The following FAM13A variants were observed in gnomAD, a reference collection of about 807,000 sequenced individuals.
FAM13A encodes protein FAM13A.
A neutral mutation model predicts 129.6 loss-of-function variants in FAM13A; 76 were observed. That is an observed-to-expected ratio of 0.59 (90% CI 0.49 to 0.71). FAM13A has a LOEUF of 0.71. Ranked by LOEUF, FAM13A falls within the 30% of genes least tolerant of loss-of-function variation. The pLI is 0.00. For synonymous variants in FAM13A, 443 were observed against 449.9 expected (o/e 0.98, Z 0.20); for missense variants, 1,108 against 1,249.3 (o/e 0.89, Z 1.70).
intron 8 of FAM13A, among the ~76,000 whole-genome samples, chr4:88,799,426 T>A (rs1024122389): frequency 6.6e-6 from 1 of 152,160 alleles, no homozygotes; most frequent in East Asian, 1.9e-4. Context: ...GTAAATAGTA[T>A]GGAAGTTCCT....
rs1288307476 is a variant in FAM13A at position 88,791,997 on chromosome 4, A to C, written c.1050-1370T>G. On this transcript the variant is annotated intron_variant, in intron 8 of 23. Transcript: ENST00000264344. ...AAAGCTGTAGCTCTTTGTTATGGCC[A>C]CAGACAAACCCAGAAAAACCACGTA... Among the ~76,000 whole-genome samples, 3 of 152,228 alleles carry C rather than the reference A, an allele frequency of 2.0e-5. No homozygotes were observed. The East Asian group carries it at 5.8e-4, about 29-fold the overall frequency.
chr4:89,016,107 A>G (rs894367168), intron 3 of FAM13A, among the ~76,000 whole-genome samples: 24 of 152,098 alleles, frequency 1.6e-4, no homozygotes, highest in Admixed American at 1.4e-3. Flanking sequence ...CCATTGGAAC[A>G]AGATATGGAG....
intron 5 of FAM13A, among the ~76,000 whole-genome samples, chr4:88,920,441 G>T (rs1750865741): frequency 6.6e-6 from 1 of 152,154 alleles, no homozygotes; most frequent in Admixed American, 6.5e-5. Context: ...AGGCAAACAG[G>T]GTCTGGAGTG....
At chr4:88,981,085 TTA>T (rs1761606411) in intron 4 of FAM13A, among the ~76,000 whole-genome samples, 2 of 152,176 alleles carry the variant, frequency 1.3e-5, no homozygotes, top group Non-Finnish European at 2.9e-5. Context: ...AAAATTATTT[TTA>T]TCTTATTGGT....
chr4:88,801,597 A>G (rs889878843), intron 8 of FAM13A, among the ~76,000 whole-genome samples: 3 of 152,210 alleles, frequency 2.0e-5, no homozygotes, highest in African/African-American at 7.2e-5. Flanking sequence ...AGCAAGGACC[A>G]AGTTTCAGAT....
intron 7 of FAM13A, among the ~76,000 whole-genome samples, chr4:88,838,122 A>C (rs1007783688): frequency 1.3e-5 from 2 of 152,210 alleles, no homozygotes; most frequent in Non-Finnish European, 2.9e-5. Flanking sequence ...TTATATGCAA[A>C]TATGTCATTT....
chr4:88,859,747 T>C lies in FAM13A; in HGVS notation c.844-8564A>G, dbSNP rs369441874. 7.2e-5 allele frequency among the ~76,000 whole-genome samples: 11 copies of C among 152,248 alleles called. 1 individual carries two copies. The highest frequency in any genetic ancestry group is 4.2e-4 in the South Asian group (2 of 4,816). The stretch of plus-strand genomic sequence containing the variant: ...CACCAGCTGCATTCAGGTACTAAGA[T>C]AGGCAAGGAGTGGGTATAGTGTTGT... On this transcript the variant is annotated intron_variant, in intron 6 of 23. Coordinates refer to ENST00000264344, the MANE Select transcript of FAM13A (RefSeq NM_014883.4).
At chr4:89,031,510 T>C (rs562688942) in intron 1 of FAM13A, among the ~76,000 whole-genome samples, 49 of 152,280 alleles carry the variant, frequency 3.2e-4, no homozygotes, top group African/African-American at 1.2e-3. Flanking sequence ...AGTTTGTATG[T>C]CATAGAAATG....
intron 6 of FAM13A, among the ~76,000 whole-genome samples, chr4:88,869,196 T>A (rs910590525): frequency 6.6e-6 from 1 of 152,256 alleles, no homozygotes; most frequent in Non-Finnish European, 1.5e-5. Flanking sequence ...TGCTTCCTAA[T>A]TGGTTTTCTC....
At chr4:88,840,915 G>C (rs546104042) in intron 7 of FAM13A, among the ~76,000 whole-genome samples, 43 of 152,148 alleles carry the variant, frequency 2.8e-4, no homozygotes, top group Middle Eastern at 6.8e-3. Context: ...AATGGTGCTG[G>C]GACAACTGGA....
chr4:88,946,000 A>ATGTGTG (rs1406943750), intron 4 of FAM13A, among the ~76,000 whole-genome samples: 3 of 72,544 alleles, frequency 4.1e-5, no homozygotes, highest in Non-Finnish European at 6.3e-5. Flanking sequence ...GTATATATAT[A>ATGTGTG]TATATATATA....
chr4:88,811,753 T>G (rs1729705882), intron 7 of FAM13A, among the ~76,000 whole-genome samples: 1 of 152,228 alleles, frequency 6.6e-6, no homozygotes, highest in Admixed American at 6.5e-5. Flanking sequence ...AGTCACAGAA[T>G]AGAATCTTAT....
chr4:88,912,487 G>C (rs532146860), intron 5 of FAM13A, among the ~76,000 whole-genome samples: 15 of 151,732 alleles, frequency 9.9e-5, no homozygotes, highest in Admixed American at 2.6e-4. Context: ...CTTGCAAACA[G>C]CATATTATAG....
chr4:89,045,981 G>A (rs373528773), intron 1 of FAM13A, among the ~76,000 whole-genome samples: 9 of 143,946 alleles, frequency 6.3e-5, no homozygotes, highest in African/African-American at 2.3e-4. Context: ...CCAAGATTGC[G>A]CCATCGCACT....
chr4:89,032,258 A>AG (rs1357234118), intron 1 of FAM13A, among the ~76,000 whole-genome samples: 1 of 147,330 alleles, frequency 6.8e-6, no homozygotes, highest in Non-Finnish European at 1.5e-5. Flanking sequence ...AAAAAAAAAA[A>AG]GTTACTAATT....
intron 16 of FAM13A, 104 bp from the exon 17 acceptor site, chr4:88,749,137 C>G: frequency 1.2e-6 from 1 of 808,834 alleles, no homozygotes. Context: ...AAGTTGAGCC[C>G]CATCAGAATA....
Position 88,759,193 on chromosome 4 carries a change from A to G in FAM13A, c.1579-292T>C. 2 of 305,756 alleles carry G rather than the reference A, an allele frequency of 6.5e-6. 1 individual carries two copies. The highest frequency in any genetic ancestry group is 1.4e-4 in the South Asian group (2 of 14,410). 18.9% of individuals were successfully genotyped at this position (305,756 alleles called of 1,614,324 possible). ...ATTGGGGCCAGGAATGAGGGAAAGGAGTTTGGTGTTTTCTTAAAGGAGTAT... is the reference window on the plus strand; with the variant it reads ...ATTGGGGCCAGGAATGAGGGAAAGGGGTTTGGTGTTTTCTTAAAGGAGTAT... On this transcript the variant is annotated intron_variant, in intron 13 of 23. Transcript: ENST00000264344.
intron 11 of FAM13A, among the ~76,000 whole-genome samples, chr4:88,779,999 A>G (rs538025536): frequency 1.3e-5 from 2 of 152,304 alleles, no homozygotes; most frequent in South Asian, 4.1e-4. Context: ...CATTTATTTT[A>G]TTTAAATATT....
intron 7 of FAM13A, among the ~76,000 whole-genome samples, chr4:88,846,787 T>G (rs1472516571): frequency 6.6e-6 from 1 of 152,226 alleles, no homozygotes; most frequent in African/African-American, 2.4e-5. Flanking sequence ...TAATAAATTG[T>G]TAAGTAGAAG....
Sources: allele counts gnomAD v4.1 joint callset (sites outside exome capture counted in the v4.1 genomes callset), GRCh38; gene constraint gnomAD v4.1.1; transcripts MANE v1.5; gene names NCBI Gene and HGNC (gene_info 2026-07-23, HGNC 2026-07-21).